KIF15: variants seen among roughly 807,000 people sequenced by gnomAD.
The protein encoded by KIF15 is kinesin family member 15.
KIF15 carries 140 observed loss-of-function variants against 190.6 expected under a neutral mutation model. The ratio of observed to expected loss-of-function variants is 0.73; its 90% CI spans 0.64 to 0.84. KIF15 has a LOEUF of 0.84. KIF15 is among the 40% of genes least tolerant of loss of function. The pLI, the probability that KIF15 is intolerant of heterozygous loss-of-function variation, is 0.00. For missense variants in KIF15, 1,372 were observed against 1,584.4 expected (o/e 0.87, Z 2.28); for synonymous variants, 528 against 551.3 (o/e 0.96, Z 0.59).
At chr3:44,779,911 CTCTTT>C (rs1488388766) in intron 4 of KIF15, among the ~76,000 whole-genome samples, 1 of 151,640 alleles carries the variant, frequency 6.6e-6, no homozygotes, top group African/African-American at 2.4e-5. Context: ...ATTTTTTTCC[CTCTTT>C]TCTTCCAGAA....
At chr3:44,826,301 T>C (rs1697641679) in intron 21 of KIF15, 74 bp from the exon 22 acceptor site, 2 of 1,553,790 alleles carry the variant, frequency 1.3e-6, no homozygotes, top group Non-Finnish European at 1.8e-6. Context: ...GCCTGCCACA[T>C]AGAAGGTACT....
intron 17 of KIF15, 75 bp downstream of exon 17, chr3:44,811,118 T>C (rs926704495): frequency 2.6e-6 from 3 of 1,163,902 alleles, no homozygotes; most frequent in South Asian, 1.5e-5. Flanking sequence ...TTTAATTCCC[T>C]ATAAGTTACA....
intron 7 of KIF15, among the ~76,000 whole-genome samples, chr3:44,793,527 G>A (rs1410760923): frequency 6.6e-6 from 1 of 152,142 alleles, no homozygotes; most frequent in Non-Finnish European, 1.5e-5. Flanking sequence ...TTTCTGTAAT[G>A]TGGAAAGGGA....
At chr3:44,813,356 A>C (rs1345351887) in intron 19 of KIF15, 176 bp downstream of exon 19, 2 of 461,380 alleles carry the variant, frequency 4.3e-6, no homozygotes, top group African/African-American at 4.1e-5. Context: ...ATATATCATA[A>C]AAGGTAAATT....
intron 6 of KIF15, 78 bp downstream of exon 6, chr3:44,785,020 T>TCC: frequency 4.2e-6 from 3 of 718,422 alleles, no homozygotes; most frequent in Non-Finnish European, 7.2e-6. Flanking sequence ...TAGCTCATGA[T>TCC]ACATGGTGGA....
intron 6 of KIF15, chr3:44,864,315 C>T (rs377066913): frequency 6.2e-7 from 1 of 1,614,188 alleles, no homozygotes; most frequent in South Asian, 1.1e-5. Flanking sequence ...GCATCTGTCA[C>T]AGTGACTTTT....
rs1469630261 is a variant in KIF15, at chr3:44,779,879, T to G, written c.324-1006T>G. Among the ~76,000 whole-genome samples, 8 of 151,910 alleles carry G rather than the reference T, an allele frequency of 5.3e-5. No homozygotes were observed. In the East Asian group the frequency reaches 1.5e-3, roughly 29 times the overall value. Reference sequence around the variant, plus strand: ...TGTAGAGGACTCAATAATATCCATTTCTCATTCTGAGTTACTAAAGAATTT... The same window carrying G: ...TGTAGAGGACTCAATAATATCCATTGCTCATTCTGAGTTACTAAAGAATTT... On this transcript the variant is annotated intron_variant, in intron 4 of 34. Coordinates refer to ENST00000326047, the MANE Select transcript of KIF15 (RefSeq NM_020242.3).
chr3:44,865,277 A>T, intron 6 of KIF15: 1 of 1,531,400 alleles, frequency 6.5e-7, no homozygotes, highest in African/African-American at 1.4e-5. Flanking sequence ...CCAGTTGTGC[A>T]GCCTTCTGAC....
chr3:44,766,719 G>A (rs1245640183), intron 1 of KIF15, among the ~76,000 whole-genome samples: 2 of 151,648 alleles, frequency 1.3e-5, no homozygotes, highest in African/African-American at 4.8e-5. Context: ...GAATTTTCAT[G>A]AATGTTCTTG....
In KIF15 at chr3:44,786,449, G is replaced by A; in HGVS notation, c.514G>A (p.Glu172Lys). ...CKCSFIEIYNEQIYDLLDSAS... is the reference protein window; with the variant it reads ...CKCSFIEIYNKQIYDLLDSAS... ...GTGTTCCTTTATTGAAATCTACAACGAGCAGATATATGATCTACTGGACTC... is the reference window on the plus strand; with the variant it reads ...GTGTTCCTTTATTGAAATCTACAACAAGCAGATATATGATCTACTGGACTC... The change falls in exon 7 of 35, where the codon GAG becomes AAG. Residue 172 changes from glutamate (E) to lysine (K), a missense_variant. Glu to Lys is a moderately conservative substitution (Grantham distance 56). Transcript: ENST00000326047. 1 of 1,612,532 alleles carries A rather than the reference G, an allele frequency of 6.2e-7. No homozygotes were observed. Among genetic ancestry groups the A allele is most frequent in the Non-Finnish European group, 8.5e-7 (1 of 1,178,968 alleles).
At chr3:44,831,267 C>T (rs2125700059) in intron 26 of KIF15, among the ~76,000 whole-genome samples, 1 of 152,210 alleles carries the variant, frequency 6.6e-6, no homozygotes, top group Admixed American at 6.5e-5. Context: ...TGCCAAGCTT[C>T]CTCCTCTGGC....
chr3:44,860,523 C>T (rs1190471997), intron 6 of KIF15, among the ~76,000 whole-genome samples: 1 of 152,176 alleles, frequency 6.6e-6, no homozygotes, highest in Non-Finnish European at 1.5e-5. Flanking sequence ...GTGCCCGCCA[C>T]CACACCCAGC....
chr3:44,864,033 G>A (rs1312121932), intron 6 of KIF15: 1 of 709,776 alleles, frequency 1.4e-6, no homozygotes, highest in South Asian at 1.9e-5. Context: ...GCCCACTGAG[G>A]GTTAAGTGAA....
downstream of KIF15, among the ~76,000 whole-genome samples, chr3:44,853,597 C>G (rs766004250): frequency 2.6e-5 from 4 of 152,202 alleles, no homozygotes; most frequent in Non-Finnish European, 4.4e-5. Context: ...ATCTGAAAAG[C>G]ATGTCTTTAC....
In KIF15 at chr3:44,829,453, A is replaced by G. The variant is rs562090694; in HGVS notation, c.2944-518A>G. Among the ~76,000 whole-genome samples the G allele has an allele frequency of 8.9e-3, 1,216 of 136,150 alleles. 20 individuals are homozygous for G. The highest frequency in any genetic ancestry group is 0.032 in the African/African-American group (1,111 of 35,150). The allele number at this position is 136,150 out of a possible 152,430, so 89.3% of individuals were successfully genotyped here. A position where few individuals can be genotyped will look rare whatever the true frequency, so the allele number is the denominator to read the frequency against. ...ATATATATGTATATATTATATACGC[A>G]TATATAATATATATGTATATAATAT... On this transcript the variant is annotated intron_variant, in intron 24 of 34. Transcript: ENST00000326047.
chr3:44,829,610 A>G (rs1469375485), intron 24 of KIF15, among the ~76,000 whole-genome samples: 11 of 127,350 alleles, frequency 8.6e-5, no homozygotes, highest in Admixed American at 7.0e-4. Flanking sequence ...ATGCATATAT[A>G]TTATATATGT....
intron 13 of KIF15, 50 bp downstream of exon 13, chr3:44,802,024 C>A: frequency 7.5e-7 from 1 of 1,331,134 alleles, no homozygotes; most frequent in Non-Finnish European, 1.0e-6. Flanking sequence ...AAGTTCAAAG[C>A]AAATCTAAGT....
At chr3:44,784,184 T>C (rs991705289) in intron 5 of KIF15, among the ~76,000 whole-genome samples, 5 of 152,342 alleles carry the variant, frequency 3.3e-5, no homozygotes, top group African/African-American at 1.2e-4. Context: ...TCTTTCTTTT[T>C]GTTTTGAGAC....
At chr3:44,858,687 G>A (rs1046074837) in intron 6 of KIF15, among the ~76,000 whole-genome samples, 3 of 152,182 alleles carry the variant, frequency 2.0e-5, no homozygotes, top group African/African-American at 7.2e-5. Context: ...AACTAAAAAG[G>A]AGTGCATTAA....
Sources: allele counts gnomAD v4.1 joint callset (sites outside exome capture counted in the v4.1 genomes callset), GRCh38; gene constraint gnomAD v4.1.1; transcripts MANE v1.5; gene names NCBI Gene and HGNC (gene_info 2026-07-23, HGNC 2026-07-21).